NKAIN2: variants seen among roughly 807,000 people sequenced by gnomAD.
NKAIN2 encodes sodium/potassium-transporting ATPase subunit beta-1-interacting protein 2.
Under a neutral mutation model 32.6 loss-of-function variants are expected in NKAIN2, and 14 were observed. The ratio of observed to expected loss-of-function variants is 0.43; its 90% confidence interval spans 0.28 to 0.67. NKAIN2 has a LOEUF of 0.67. Ranked by LOEUF, NKAIN2 falls within the 30% of genes least tolerant of loss-of-function variation. The pLI is 0.17. For missense variants in NKAIN2, 198 were observed against 258.3 expected (o/e 0.77, Z 1.60); for synonymous variants, 80 against 87.2 (o/e 0.92, Z 0.46).
intron 1 of NKAIN2, among the ~76,000 whole-genome samples, chr6:123,806,352 A>C (rs1401757311): frequency 1.3e-5 from 2 of 152,136 alleles, no homozygotes; most frequent in East Asian, 3.9e-4. Flanking sequence ...ATTAGCAGCC[A>C]TGTTAACGCA....
intron 1 of NKAIN2, among the ~76,000 whole-genome samples, chr6:124,107,758 C>CA (rs1785188066): frequency 6.6e-6 from 1 of 152,110 alleles, no homozygotes; most frequent in Admixed American, 6.5e-5. Context: ...AGGAGTTTTA[C>CA]TATTTTAGAT....
intron 4 of NKAIN2, among the ~76,000 whole-genome samples, chr6:124,739,421 G>A (rs997240338): frequency 5.3e-5 from 8 of 151,874 alleles, no homozygotes; most frequent in Admixed American, 2.0e-4. Flanking sequence ...GTATGCATGC[G>A]TGCACACCAT....
chr6:123,909,444 C>G (rs1165040143), intron 1 of NKAIN2, among the ~76,000 whole-genome samples: 2 of 152,170 alleles, frequency 1.3e-5, no homozygotes, highest in African/African-American at 2.4e-5. Flanking sequence ...GGCTCTACAC[C>G]ATCAGTCCTG....
chr6:124,643,623 G>A (rs1784068137), intron 3 of NKAIN2, among the ~76,000 whole-genome samples: 1 of 151,992 alleles, frequency 6.6e-6, no homozygotes, highest in Admixed American at 6.6e-5. Context: ...ATTATGGCCT[G>A]GTAAGGTGAT....
chr6:124,816,247 C>T (rs189602924), intron 5 of NKAIN2, among the ~76,000 whole-genome samples: 6 of 152,120 alleles, frequency 3.9e-5, no homozygotes, highest in Admixed American at 3.9e-4. Flanking sequence ...ATTATAAAGA[C>T]AGTAAAAAGA....
rs73561238 is a variant in NKAIN2 at position 124,210,367 on chromosome 6, A to G, written c.55-72638A>G. Among the ~76,000 whole-genome samples, 857 of 151,956 alleles carry G rather than the reference A, an allele frequency of 5.6e-3. 8 individuals are homozygous for G. Among genetic ancestry groups the G allele is most frequent in the African/African-American group, 0.019 (801 of 41,502 alleles). On this transcript the variant is annotated intron_variant, in intron 1 of 6. Transcript: ENST00000368417. The stretch of plus-strand genomic sequence containing the variant: ...ATGTAGTATAGTTAAAAGTCAGGTA[A>G]TGTGATCCTGTCTAGTTTTGTTCTT...
At chr6:124,769,659 C>G (rs925871658) in intron 4 of NKAIN2, among the ~76,000 whole-genome samples, 5 of 152,138 alleles carry the variant, frequency 3.3e-5, no homozygotes. Context: ...TTACTGATTC[C>G]TCTTACTTAT....
intron 4 of NKAIN2, among the ~76,000 whole-genome samples, chr6:124,778,740 A>T (rs190233322): frequency 6.6e-5 from 10 of 152,200 alleles, no homozygotes; most frequent in African/African-American, 2.4e-4. Flanking sequence ...ATTCCAAAAA[A>T]TCTCTAAATT....
At chr6:124,757,098 T>C (rs199621300) in intron 4 of NKAIN2, among the ~76,000 whole-genome samples, 1 of 30,564 alleles carries the variant, frequency 3.3e-5, no homozygotes, top group Non-Finnish European at 9.0e-5. Flanking sequence ...TTCTATTCCC[T>C]CCACTGTCGC....
rs1415756565 is a variant in NKAIN2 at position 124,731,039 on chromosome 6, A to G, written c.475-60300A>G. Among the ~76,000 whole-genome samples the G allele has an allele frequency of 4.8e-5, 7 of 145,734 alleles. No individual in the cohort carries two copies. The South Asian group carries it at 7.1e-4, about 15-fold the overall frequency. ...CCATCTCACACCAGGTAGAATGGCAATCATTAAAAAGTCAGGAAACAACAG... is the reference window on the plus strand; with the variant it reads ...CCATCTCACACCAGGTAGAATGGCAGTCATTAAAAAGTCAGGAAACAACAG... On this transcript the variant is annotated intron_variant, in intron 4 of 6. Coordinates refer to ENST00000368417, the MANE Select transcript of NKAIN2 (RefSeq NM_001040214.3).
chr6:124,757,524 G>A lies in NKAIN2; in HGVS notation c.475-33815G>A, dbSNP rs368722696. Among the ~76,000 whole-genome samples the A allele has an allele frequency of 3.6e-4, 55 of 152,200 alleles. 1 individual carries two copies. In the East Asian group the frequency reaches 6.2e-3, roughly 17 times the overall value. ...CAGATACCTGCACTTATGAAGTTGT[G>A]GTTCATCTGTGACAAGAGCACATAT... On this transcript the variant is annotated intron_variant, in intron 4 of 6. Coordinates refer to ENST00000368417, the MANE Select transcript of NKAIN2 (RefSeq NM_001040214.3).
intron 3 of NKAIN2, among the ~76,000 whole-genome samples, chr6:124,413,342 C>G (rs1490693823): frequency 2.0e-5 from 3 of 152,132 alleles, no homozygotes; most frequent in Admixed American, 1.3e-4. Flanking sequence ...TATTGAAAAG[C>G]CTGTTCTTTC....
chr6:124,785,939 C>T (rs1582521392), intron 4 of NKAIN2, among the ~76,000 whole-genome samples: 2 of 152,184 alleles, frequency 1.3e-5, no homozygotes, highest in African/African-American at 2.4e-5. Flanking sequence ...AGTCTTGGCT[C>T]CCTACTCTTT....
At chr6:124,552,614 G>A (rs918361186) in intron 3 of NKAIN2, among the ~76,000 whole-genome samples, 1 of 152,172 alleles carries the variant, frequency 6.6e-6, no homozygotes, top group Admixed American at 6.5e-5. Flanking sequence ...ATATTACACA[G>A]CTAGTGTAGC....
intron 1 of NKAIN2, among the ~76,000 whole-genome samples, chr6:123,955,018 G>A (rs1777500835): frequency 6.6e-6 from 1 of 151,870 alleles, no homozygotes; most frequent in Middle Eastern, 3.2e-3. Context: ...AGAAGGGGAT[G>A]GGTAGGTAAA....
chr6:124,660,977 C>T (rs1300007259), intron 4 of NKAIN2, among the ~76,000 whole-genome samples: 1 of 152,204 alleles, frequency 6.6e-6, no homozygotes, highest in African/African-American at 2.4e-5. Flanking sequence ...TGTCCCTCCC[C>T]TTTTGTGTTA....
chr6:123,982,075 C>CT (rs1156982992), intron 1 of NKAIN2, among the ~76,000 whole-genome samples: 2 of 152,022 alleles, frequency 1.3e-5, no homozygotes, highest in African/African-American at 2.4e-5. Flanking sequence ...TGTAACCTAA[C>CT]TTTTTTTTCA....
intron 1 of NKAIN2, among the ~76,000 whole-genome samples, chr6:124,157,682 C>G (rs144270595): frequency 1.3e-5 from 2 of 152,296 alleles, no homozygotes; most frequent in Non-Finnish European, 2.9e-5. Flanking sequence ...CATTAAGTGG[C>G]TCTAACACTC....
intron 1 of NKAIN2, among the ~76,000 whole-genome samples, chr6:124,123,445 A>G (rs766376192): frequency 3.9e-5 from 6 of 152,248 alleles, no homozygotes; most frequent in Non-Finnish European, 8.8e-5. Context: ...CAGAGACAGT[A>G]TTCTTTTTTC....
Sources: allele counts gnomAD v4.1 joint callset (sites outside exome capture counted in the v4.1 genomes callset), GRCh38; gene constraint gnomAD v4.1.1; transcripts MANE v1.5; gene names NCBI Gene and HGNC (gene_info 2026-07-23, HGNC 2026-07-21).